PDE2A: variants seen among roughly 807,000 people sequenced by gnomAD.
PDE2A encodes cGMP-dependent 3',5'-cyclic phosphodiesterase.
In PDE2A, 53 loss-of-function variants were observed where a neutral mutation model predicts 133.6. The observed-to-expected ratio is 0.40, with a 90% confidence interval of 0.32 to 0.50. The LOEUF (loss-of-function observed/expected upper bound fraction) is 0.50, where lower values mean the gene tolerates loss of function less well. Ranked by LOEUF, PDE2A falls within the 20% of genes least tolerant of loss-of-function variation. PDE2A has a pLI of 0.73. For missense variants in PDE2A, 796 were observed against 1,232.4 expected (o/e 0.65, Z 5.30); for synonymous variants, 491 against 490.2 (o/e 1.00, Z -0.02).
chr11:72,593,499 C>T (rs1322777369), intron 6 of PDE2A, among the ~76,000 whole-genome samples: 1 of 152,188 alleles, frequency 6.6e-6, no homozygotes, highest in African/African-American at 2.4e-5. Flanking sequence ...AAACCCAGCA[C>T]AGCCCCCAGG....
At chr11:72,656,220 G>A (rs1226703600) in intron 1 of PDE2A, among the ~76,000 whole-genome samples, 1 of 152,232 alleles carries the variant, frequency 6.6e-6, no homozygotes, top group African/African-American at 2.4e-5. Context: ...CCACTGACCT[G>A]TTGTAACCCT....
chr11:72,630,458 G>T (rs867803762), intron 2 of PDE2A, among the ~76,000 whole-genome samples: 21 of 152,010 alleles, frequency 1.4e-4, no homozygotes, highest in Middle Eastern at 6.8e-3. Flanking sequence ...AGGAAAGGAG[G>T]CTAGAGCTGA....
chr11:72,589,298 A>C, intron 11 of PDE2A, 58 bp from the exon 12 acceptor site: 81 of 1,255,196 alleles, frequency 6.5e-5, no homozygotes, highest in Non-Finnish European at 8.1e-5. Flanking sequence ...AGGGGATCTC[A>C]ACCTGTCCCC....
intron 2 of PDE2A, chr11:72,614,995 C>A: frequency 2.5e-6 from 1 of 402,452 alleles, no homozygotes; most frequent in Non-Finnish European, 5.6e-6. Flanking sequence ...CCTCTACTTA[C>A]CCCCTCCCGC....
At chr11:72,599,321 C>T (rs1282901825) in intron 4 of PDE2A, among the ~76,000 whole-genome samples, 3 of 152,048 alleles carry the variant, frequency 2.0e-5, no homozygotes, top group Non-Finnish European at 4.4e-5. Flanking sequence ...TCATGAGCTC[C>T]AGACCCCAGA....
intron 25 of PDE2A, 180 bp from the exon 26 acceptor site, chr11:72,579,788 C>G: frequency 1.7e-6 from 1 of 596,252 alleles, no homozygotes. Context: ...TCTGTGTGAC[C>G]CAGGGTGAGT....
At chr11:72,645,913 T>C (rs1001698308) in intron 1 of PDE2A, among the ~76,000 whole-genome samples, 12 of 152,262 alleles carry the variant, frequency 7.9e-5, no homozygotes, top group Admixed American at 2.6e-4. Flanking sequence ...CACAGTCACA[T>C]AGCTTGTAAG....
chr11:72,608,580 G>T, intron 3 of PDE2A, 82 bp downstream of exon 3: 1 of 733,368 alleles, frequency 1.4e-6, no homozygotes, highest in Non-Finnish European at 2.4e-6. Context: ...CTTCCTCCTT[G>T]GCCCTGAGTG....
intron 1 of PDE2A, among the ~76,000 whole-genome samples, chr11:72,658,544 G>A (rs1320016238): frequency 1.3e-5 from 2 of 152,050 alleles, no homozygotes; most frequent in African/African-American, 4.8e-5. Context: ...AGTTACCCAG[G>A]CTGGTCTTGA....
chr11:72,579,528 C>CCAAA lies in PDE2A; in HGVS notation c.2256+5_2256+6insTTTG. ...TCAATCCCCACCCCACCCCCAACCC[C>CCAAA]ATCACCTTCCGGGAGAAATGATCAA... On this transcript the variant is annotated splice_donor_region_variant and intron_variant, in intron 26 of 30. Coordinates refer to ENST00000334456, the MANE Select transcript of PDE2A (RefSeq NM_002599.5). The CCAAA allele has an allele frequency of 6.3e-7, 1 of 1,577,026 alleles. No individual in the cohort carries two copies. Among genetic ancestry groups the CCAAA allele is most frequent in the Non-Finnish European group, 8.7e-7 (1 of 1,149,648 alleles).
Position 72,590,473 on chromosome 11 carries a change from G to A in PDE2A, c.657C>T (p.Gly219=), listed in dbSNP as rs763822102. Residue 219 remains glycine, a synonymous_variant, in exon 8 of 31, where the codon GGC becomes GGT. Coordinates refer to ENST00000334456, the MANE Select transcript of PDE2A (RefSeq NM_002599.5). This position sits in a 1 kb window ranked among gnomAD's most constrained non-coding sequence, Gnocchi z 4.8. ...GGTCGCGGTCGGTGTACGCCGCCCC[G>A]CCCTTCTGGTCTTCCGCCGTCCCCT... ...PPEGTAEDQK[G]GAAYTDRDRK... The A allele has an allele frequency of 6.5e-7, 1 of 1,539,100 alleles. No homozygotes were observed. The highest frequency in any genetic ancestry group is 8.7e-7 in the Non-Finnish European group (1 of 1,145,904).
chr11:72,584,507 G>T (rs1251598659), intron 18 of PDE2A, 44 bp downstream of exon 18: 1 of 1,542,250 alleles, frequency 6.5e-7, no homozygotes, highest in South Asian at 1.2e-5. Flanking sequence ...GACCCGCCCC[G>T]CCCGGCGCAG....
intron 2 of PDE2A, chr11:72,635,943 C>T (rs2062648798): frequency 8.5e-7 from 1 of 1,173,634 alleles, no homozygotes; most frequent in Non-Finnish European, 1.1e-6. Flanking sequence ...GACCTTCCCG[C>T]TCCCCCTCCA....
intron 1 of PDE2A, 141 bp downstream of exon 1, chr11:72,673,996 A>T: frequency 1.3e-6 from 1 of 782,628 alleles, no homozygotes; most frequent in Non-Finnish European, 2.0e-6. Context: ...CAACGCGGGG[A>T]GGAGGGGTGC....
intron 2 of PDE2A, among the ~76,000 whole-genome samples, chr11:72,634,528 C>T (rs926693609): frequency 1.3e-5 from 2 of 152,162 alleles, no homozygotes; most frequent in East Asian, 1.9e-4. Context: ...TACCAGGCAG[C>T]GGAAGCCCTT....
chr11:72,666,511 C>T (rs958728994), intron 1 of PDE2A, among the ~76,000 whole-genome samples: 1 of 152,096 alleles, frequency 6.6e-6, no homozygotes, highest in Non-Finnish European at 1.5e-5. Context: ...GGCCCAGAGT[C>T]CCCTGAAGGA....
chr11:72,579,255 C>T (rs754237718), intron 27 of PDE2A, 29 bp downstream of exon 27: 10 of 1,513,190 alleles, frequency 6.6e-6, no homozygotes. Context: ...TCCTCCCCAG[C>T]CCCAAGGACT....
At chr11:72,596,333 C>G (rs1188494448) in intron 6 of PDE2A, among the ~76,000 whole-genome samples, 1 of 152,152 alleles carries the variant, frequency 6.6e-6, no homozygotes, top group African/African-American at 2.4e-5. Flanking sequence ...AAGCTGCTGA[C>G]TGGGCCAATG....
chr11:72,650,473 GC>G (rs1215276115), intron 1 of PDE2A, among the ~76,000 whole-genome samples: 1 of 151,854 alleles, frequency 6.6e-6, no homozygotes, highest in Non-Finnish European at 1.5e-5. Flanking sequence ...TAAATCCCCA[GC>G]CCCTTCACTG....
Sources: gnomAD v4.1 joint callset for allele counts (sites outside exome capture counted in the v4.1 genomes callset) on GRCh38, gnomAD v4.1.1 for gene constraint, Gnocchi (gnomAD v3.1) non-coding constraint, MANE v1.5 for transcripts, NCBI Gene and HGNC (gene_info 2026-07-23, HGNC 2026-07-21) for gene names.